The following CACNA1E variants were observed in gnomAD, a reference collection of about 807,000 sequenced individuals.
The protein encoded by CACNA1E is voltage-dependent R-type calcium channel subunit alpha-1E.
CACNA1E carries 40 observed loss-of-function variants against 259.2 expected under a neutral mutation model. The ratio of observed to expected loss-of-function variants is 0.15; its 90% confidence interval spans 0.12 to 0.20. CACNA1E has a LOEUF of 0.20. CACNA1E is among the 10% of genes least tolerant of loss of function. The pLI, the probability that CACNA1E is intolerant of heterozygous loss-of-function variation, is 1.00. For synonymous variants in CACNA1E, 1,104 were observed against 1,138.5 expected (o/e 0.97, Z 0.61); for missense variants, 1,874 against 3,040.1 (o/e 0.62, Z 9.02).
rs1572741673 is a variant in CACNA1E, at chr1:181,734,866, TCATCC to T, written c.3262+1118_3262+1122del. 3.5e-5 allele frequency among the ~76,000 whole-genome samples: 5 copies of T among 144,308 alleles called. No homozygotes were observed. The East Asian group carries it at 1.1e-3, about 31-fold the overall frequency. The allele number at this position is 144,308 out of a possible 152,430, so 94.7% of individuals were successfully genotyped here. A position where few individuals can be genotyped will look rare whatever the true frequency, so the allele number is the denominator to read the frequency against. ...CCCATCCCTGCGCTGACCCCACACC[TCATCC>T]CTGCATTATGAATTCCACACCCTAT... On this transcript the variant is annotated intron_variant, in intron 21 of 47. Transcript: ENST00000367573.
rs952157834 is a variant in CACNA1E at position 181,800,616 on chromosome 1, C to G, written c.*1782C>G. On this transcript the variant is annotated 3_prime_UTR_variant, in exon 48 of 48. Coordinates refer to ENST00000367573, the MANE Select transcript of CACNA1E (RefSeq NM_001205293.3). ...CCTGCCACCCAGGATCCTGATCTGC[C>G]CTGCACTGAGCACTCAGTGGATAAA... 1 of 152,692 alleles carries G rather than the reference C, an allele frequency of 6.5e-6. No homozygotes were observed. Among genetic ancestry groups the G allele is most frequent in the Admixed American group, 6.5e-5 (1 of 15,298 alleles). The allele number at this position is 152,692 out of a possible 1,614,324, so 9.5% of individuals were successfully genotyped here. A position where few individuals can be genotyped will look rare whatever the true frequency, so the allele number is the denominator to read the frequency against.
chr1:181,667,580 G>C (rs1648358250), intron 7 of CACNA1E, among the ~76,000 whole-genome samples: 1 of 151,984 alleles, frequency 6.6e-6, no homozygotes, highest in Non-Finnish European at 1.5e-5. Context: ...TAGAGAAAAT[G>C]GTACAAATAC....
At chr1:181,788,168 G>T (rs1256141510) in intron 43 of CACNA1E, among the ~76,000 whole-genome samples, 1 of 152,178 alleles carries the variant, frequency 6.6e-6, no homozygotes, top group Non-Finnish European at 1.5e-5. Flanking sequence ...AAATTTGGTA[G>T]ATAAGACTGG....
chr1:181,727,812 T>C (rs1655052479), intron 18 of CACNA1E, among the ~76,000 whole-genome samples: 1 of 152,122 alleles, frequency 6.6e-6, no homozygotes, highest in Non-Finnish European at 1.5e-5. Flanking sequence ...ACCCTGTCAT[T>C]GTTACTTGAA....
chr1:181,769,666 T>C (rs1272151369), intron 35 of CACNA1E, among the ~76,000 whole-genome samples: 1 of 152,228 alleles, frequency 6.6e-6, no homozygotes, highest in Non-Finnish European at 1.5e-5. Flanking sequence ...CGCAGTGTGC[T>C]CTGCAGTTAG....
In CACNA1E at chr1:181,774,338, AGT is replaced by A. The variant is rs1659781085; in HGVS notation, c.5140-1762_5140-1761del. On this transcript the variant is annotated intron_variant, in intron 37 of 47. Transcript: ENST00000367573. ...AGTGAAAGGGTCCTGCCTGATAGGT[AGT>A]AGTTGAACAAGTTCACTGTGGCTCC... Among the ~76,000 whole-genome samples the A allele has an allele frequency of 2.0e-5, 3 of 152,376 alleles. No individual in the cohort carries two copies. The South Asian group carries it at 6.2e-4, about 32-fold the overall frequency.
chr1:181,731,106 C>CTG, intron 18 of CACNA1E, 69 bp from the exon 19 acceptor site: 1 of 1,240,582 alleles, frequency 8.1e-7, no homozygotes. Flanking sequence ...TGGAAATCTG[C>CTG]TGGTGGCTGT....
chr1:181,765,710 G>A (rs1658960400), intron 34 of CACNA1E, among the ~76,000 whole-genome samples: 1 of 152,168 alleles, frequency 6.6e-6, no homozygotes, highest in Admixed American at 6.5e-5. Context: ...GGAGCTTAGT[G>A]GATGGTAAAG....
chr1:181,548,129 C>CTTTTTTTTCTTTT (rs537628921), intron 3 of CACNA1E, among the ~76,000 whole-genome samples: 8 of 133,372 alleles, frequency 6.0e-5, no homozygotes, highest in Non-Finnish European at 9.1e-5. Flanking sequence ...CTTTTTTTTT[C>CTTTTTTTTCTTTT]TTTTTTTTTT....
intron 15 of CACNA1E, 59 bp downstream of exon 15, chr1:181,720,914 C>T (rs914158258): frequency 1.9e-6 from 2 of 1,053,834 alleles, no homozygotes. Flanking sequence ...CTGCACACTG[C>T]AAGACAAGGA....
At chr1:181,709,649 T>A (rs1043495428) in intron 7 of CACNA1E, among the ~76,000 whole-genome samples, 1 of 152,062 alleles carries the variant, frequency 6.6e-6, no homozygotes, top group African/African-American at 2.4e-5. Context: ...TATTTTTTTT[T>A]AAACGTCTTG....
At chr1:181,613,659 G>A (rs1274397860) in intron 6 of CACNA1E, among the ~76,000 whole-genome samples, 1 of 152,130 alleles carries the variant, frequency 6.6e-6, no homozygotes, top group Non-Finnish European at 1.5e-5. Context: ...TACTTTATCA[G>A]GAAGGTCCTG....
chr1:181,776,127 C>G lies in CACNA1E; in HGVS notation c.5166C>G (p.Ile1722Met), dbSNP rs772402803. 6.2e-7 allele frequency: 1 copy of G among 1,613,900 alleles called. No homozygotes were observed. Among genetic ancestry groups the G allele is most frequent in the Non-Finnish European group, 8.5e-7 (1 of 1,179,810 alleles). The change falls in exon 38 of 48, where the codon ATC becomes ATG. Residue 1722 changes from isoleucine (I) to methionine (M), a missense_variant. Around this residue, in one of 14 missense-constraint regions of CACNA1E, gnomAD observed 147 missense variants for 337.1 expected, o/e 0.44. Transcript: ENST00000367573. The surrounding 1 kb of genome is among the most constrained non-coding windows in gnomAD (Gnocchi z 4.4). ...TGCTCAACCTGTTTGTGGCCGTCAT[C>G]ATGGACAACTTTGAGTACCTGACTC... ...FLMLNLFVAVIMDNFEYLTRD... is the reference protein window; with the variant it reads ...FLMLNLFVAVMMDNFEYLTRD...
chr1:181,658,221 A>T (rs1659364969), intron 7 of CACNA1E, among the ~76,000 whole-genome samples: 1 of 152,226 alleles, frequency 6.6e-6, no homozygotes, highest in South Asian at 2.1e-4. Context: ...ATGGAACAGA[A>T]CACTACCATA....
At chr1:181,507,816 C>T (rs1368709815) in intron 1 of CACNA1E, among the ~76,000 whole-genome samples, 2 of 152,208 alleles carry the variant, frequency 1.3e-5, no homozygotes, top group South Asian at 4.1e-4. Flanking sequence ...CCTTCCAGGG[C>T]AGGCACTGGG....
intron 2 of CACNA1E, among the ~76,000 whole-genome samples, chr1:181,431,563 C>T (rs1659717050): frequency 6.6e-6 from 1 of 152,134 alleles, no homozygotes; most frequent in South Asian, 2.1e-4. Flanking sequence ...TGCCAGTGGA[C>T]CTGGGTGCTT....
chr1:181,408,104 G>T (rs1657596843), intron 1 of CACNA1E, among the ~76,000 whole-genome samples: 1 of 152,178 alleles, frequency 6.6e-6, no homozygotes, highest in Admixed American at 6.5e-5. Flanking sequence ...GGTGGTCTAT[G>T]CAGTGGAGAT....
At chr1:181,449,783 A>G (rs1207951464) in intron 2 of CACNA1E, among the ~76,000 whole-genome samples, 2 of 152,190 alleles carry the variant, frequency 1.3e-5, no homozygotes, top group Non-Finnish European at 2.9e-5. Flanking sequence ...TTGATTAAAC[A>G]TCTATTTTGG....
intron 17 of CACNA1E, among the ~76,000 whole-genome samples, chr1:181,725,793 C>T (rs1654851423): frequency 6.6e-6 from 1 of 152,240 alleles, no homozygotes; most frequent in Non-Finnish European, 1.5e-5. Flanking sequence ...TAGACTTCTC[C>T]TGGTTCTCAT....
Sources: gnomAD v4.1 joint callset for allele counts (sites outside exome capture counted in the v4.1 genomes callset) on GRCh38, gnomAD v4.1.1 for gene constraint, gnomAD v4.1.1 regional missense constraint, Gnocchi (gnomAD v3.1) non-coding constraint, MANE v1.5 for transcripts, NCBI Gene and HGNC (gene_info 2026-07-23, HGNC 2026-07-21) for gene names.